Variants in GRIP1 observed in about 807,000 individuals in gnomAD.
GRIP1 encodes the protein glutamate receptor interacting protein 1.
In GRIP1, 45 loss-of-function variants were observed where a neutral mutation model predicts 129.9. The ratio of observed to expected loss-of-function variants is 0.35; its 90% CI spans 0.27 to 0.44. The LOEUF (loss-of-function observed/expected upper bound fraction) is 0.44, where lower values mean the gene tolerates loss of function less well. Among genes scored for constraint, GRIP1 ranks in the 20% least tolerant of loss-of-function variants. The pLI is 1.00. For missense variants in GRIP1, 1,196 were observed against 1,396.8 expected (o/e 0.86, Z 2.29); for synonymous variants, 530 against 520.8 (o/e 1.02, Z -0.24).
chr12:66,982,645 A>C (rs1449727789), intron 1 of GRIP1, among the ~76,000 whole-genome samples: 1 of 152,152 alleles, frequency 6.6e-6, no homozygotes, highest in East Asian at 1.9e-4. Flanking sequence ...AACGCTTTAG[A>C]AATTGAATTC....
chr12:67,027,678 T>C (rs1236203006), intron 1 of GRIP1, among the ~76,000 whole-genome samples: 1 of 152,036 alleles, frequency 6.6e-6, no homozygotes, highest in African/African-American at 2.4e-5. Context: ...TTCATAACAA[T>C]TAGGAATTAA....
intron 2 of GRIP1, among the ~76,000 whole-genome samples, chr12:66,582,529 C>G (rs1014862487): frequency 1.7e-4 from 24 of 144,510 alleles, no homozygotes; most frequent in Non-Finnish European, 3.4e-4. Context: ...CCCAAAATCT[C>G]CTTAAGCTGA....
intron 2 of GRIP1, among the ~76,000 whole-genome samples, chr12:66,547,622 C>G (rs184783364): frequency 1.3e-5 from 2 of 152,188 alleles, no homozygotes; most frequent in Non-Finnish European, 2.9e-5. Context: ...CTACAAGTAA[C>G]GACCCAGATC....
At chr12:66,584,304 G>T (rs2063526175) in intron 2 of GRIP1, among the ~76,000 whole-genome samples, 1 of 151,810 alleles carries the variant, frequency 6.6e-6, no homozygotes, top group African/African-American at 2.4e-5. Context: ...TATACCTAAT[G>T]CTAGATGACG....
chr12:66,464,790 G>A (rs1014196932), intron 8 of GRIP1, among the ~76,000 whole-genome samples: 5 of 151,688 alleles, frequency 3.3e-5, no homozygotes, highest in Admixed American at 2.6e-4. Flanking sequence ...GCTTCTGTGT[G>A]TGAAACCTGT....
chr12:66,833,392 C>T (rs1257202340), intron 1 of GRIP1, among the ~76,000 whole-genome samples: 1 of 152,164 alleles, frequency 6.6e-6, no homozygotes, highest in African/African-American at 2.4e-5. Context: ...CCCCACCATT[C>T]CCCAGCATAC....
Position 66,608,057 on chromosome 12 carries a change from CT to C in GRIP1, c.56-11131del, listed in dbSNP as rs567344510. ...AGGGGCAGAAATCACATTTGGATGC[CT>C]TGGGAATAACATATTTCATACACAT... On this transcript the variant is annotated intron_variant, in intron 1 of 24. Coordinates refer to ENST00000359742, the MANE Select transcript of GRIP1 (RefSeq NM_001366722.1). Among the ~76,000 whole-genome samples the C allele has an allele frequency of 2.1e-3, 325 of 152,226 alleles. 1 individual carries two copies. The highest frequency in any genetic ancestry group is 7.4e-3 in the African/African-American group (309 of 41,550).
chr12:66,951,948 A>G (rs779874263), intron 1 of GRIP1, among the ~76,000 whole-genome samples: 1 of 152,210 alleles, frequency 6.6e-6, no homozygotes, highest in Non-Finnish European at 1.5e-5. Flanking sequence ...AGACATTTGG[A>G]TAGTCAAATT....
At chr12:67,058,664 T>C (rs940091940) in intron 1 of GRIP1, among the ~76,000 whole-genome samples, 1 of 152,218 alleles carries the variant, frequency 6.6e-6, no homozygotes, top group Non-Finnish European at 1.5e-5. Context: ...TAGTAGAAGG[T>C]GCTGTTCAAA....
intron 1 of GRIP1, among the ~76,000 whole-genome samples, chr12:66,802,847 C>CA (rs1318394115): frequency 6.6e-6 from 1 of 152,124 alleles, no homozygotes; most frequent in African/African-American, 2.4e-5. Context: ...ATTTAGGAAA[C>CA]AGAGTGTCAC....
intron 5 of GRIP1, among the ~76,000 whole-genome samples, chr12:66,527,817 T>G (rs1330837642): frequency 6.6e-6 from 1 of 151,906 alleles, no homozygotes; most frequent in Admixed American, 6.6e-5. Context: ...GGGTGGAGGT[T>G]GGAGGGTGGG....
intron 2 of GRIP1, among the ~76,000 whole-genome samples, chr12:66,576,750 G>T (rs192430286): frequency 6.6e-6 from 1 of 152,200 alleles, no homozygotes; most frequent in Non-Finnish European, 1.5e-5. Flanking sequence ...AAACATTACT[G>T]GCAGAATATA....
At chr12:66,460,400 T>C (rs1039109539) in intron 9 of GRIP1, among the ~76,000 whole-genome samples, 1 of 152,202 alleles carries the variant, frequency 6.6e-6, no homozygotes, top group Non-Finnish European at 1.5e-5. Flanking sequence ...CAGACCACAG[T>C]GGTTCCAGGT....
chr12:66,946,970 G>C (rs535943756), intron 1 of GRIP1, among the ~76,000 whole-genome samples: 4 of 151,978 alleles, frequency 2.6e-5, no homozygotes, highest in African/African-American at 9.6e-5. Flanking sequence ...CTCGACCCCA[G>C]GAGGCGGAGG....
chr12:66,860,598 C>T (rs2040094777), intron 1 of GRIP1, among the ~76,000 whole-genome samples: 1 of 151,878 alleles, frequency 6.6e-6, no homozygotes, highest in Non-Finnish European at 1.5e-5. Flanking sequence ...GGTAGGTATC[C>T]TGACTTGACC....
rs569323013 is a variant in GRIP1, at chr12:66,408,046, C to A, written c.1839-1618G>T. Among the ~76,000 whole-genome samples, 3 of 152,326 alleles carry A rather than the reference C, an allele frequency of 2.0e-5. No homozygotes were observed. In the East Asian group the frequency reaches 5.8e-4, roughly 29 times the overall value. On this transcript the variant is annotated intron_variant, in intron 15 of 24. Transcript: ENST00000359742. ...CAGGGCACCGGGCAGAGTCCTAAGG[C>A]CCCTTTTCTAGGTCTTTGCCCCGGG...
At chr12:66,434,129 G>T (rs1441586937) in intron 13 of GRIP1, among the ~76,000 whole-genome samples, 3 of 152,170 alleles carry the variant, frequency 2.0e-5, no homozygotes, top group African/African-American at 4.8e-5. Flanking sequence ...CAACTCAGAA[G>T]TTTTGCCATA....
At chr12:66,485,214 T>C (rs990087606) in intron 7 of GRIP1, among the ~76,000 whole-genome samples, 3 of 152,206 alleles carry the variant, frequency 2.0e-5, no homozygotes, top group Non-Finnish European at 4.4e-5. Context: ...TTTTCCACTG[T>C]AGCCATTCAG....
chr12:66,571,181 T>C (rs2062947367), intron 2 of GRIP1: 1 of 152,214 alleles, frequency 6.6e-6, no homozygotes, highest in Non-Finnish European at 1.5e-5. Flanking sequence ...AACATGAAAC[T>C]GTAAAACCAA....
Sources: allele counts gnomAD v4.1 joint callset (sites outside exome capture counted in the v4.1 genomes callset), GRCh38; gene constraint gnomAD v4.1.1; transcripts MANE v1.5; gene names NCBI Gene and HGNC (gene_info 2026-07-23, HGNC 2026-07-21).